RYR2: variants seen among roughly 807,000 people sequenced by gnomAD.
The protein encoded by RYR2 is cardiac muscle ryanodine receptor-calcium release channel.
Under a neutral mutation model 601.1 loss-of-function variants are expected in RYR2, and 227 were observed. The ratio of observed to expected loss-of-function variants is 0.38; its 90% CI spans 0.34 to 0.42. RYR2 has a LOEUF of 0.42. RYR2 is among the 10% of genes least tolerant of loss of function. The pLI is 1.00. For missense variants in RYR2, 4,646 were observed against 6,156.5 expected, an observed-to-expected ratio of 0.75 and a Z score of 8.21; for synonymous variants, 2,223 against 2,175.1, an observed-to-expected ratio of 1.02 and a Z score of -0.61.
At chr1:237,253,598 G>A (rs958675719) in intron 1 of RYR2, among the ~76,000 whole-genome samples, 2 of 152,186 alleles carry the variant, frequency 1.3e-5, no homozygotes, top group Non-Finnish European at 2.9e-5. Flanking sequence ...CACAGTACCT[G>A]TGTAAACTGA....
At chr1:237,635,081 G>C (rs974604787) in intron 44 of RYR2, 89 bp downstream of exon 44, 18 of 1,047,024 alleles carry the variant, frequency 1.7e-5, no homozygotes, top group Non-Finnish European at 2.4e-5. Flanking sequence ...GGTTGGTGCA[G>C]AAGTCATTGT....
chr1:237,565,101 TTTTCTTTCTTTCTTTTTCTTTC>T (rs755813557), intron 27 of RYR2, among the ~76,000 whole-genome samples: 12,203 of 113,912 alleles, frequency 0.11, 2,170 homozygotes, highest in South Asian at 0.15. Flanking sequence ...TTCTCTTTTC[TTTTCTTTCTTTCTTTTTCTTTC>T]TTTCTTTCTT....
In RYR2 at chr1:237,277,294, T is replaced by C. The variant is rs150929977; in HGVS notation, c.168+6678T>C. ...TGCACACACACGCTTCAGTTCAAAA[T>C]CAGCACTTTCTTTAAGGTAGTACAC... On this transcript the variant is annotated intron_variant, in intron 2 of 104. Transcript: ENST00000366574. Among the ~76,000 whole-genome samples, 61 of 152,298 alleles carry C rather than the reference T, an allele frequency of 4.0e-4. 1 individual carries two copies. The East Asian group carries it at 0.011, about 27-fold the overall frequency.
chr1:237,546,993 A>ATT lies in RYR2; in HGVS notation c.2907-1437_2907-1436insTT, dbSNP rs56191820. 2.1e-3 allele frequency among the ~76,000 whole-genome samples: 270 copies of ATT among 127,396 alleles called. 5 individuals are homozygous for ATT. The highest frequency in any genetic ancestry group is 3.7e-3 in the Admixed American group (43 of 11,764). The allele number at this position is 127,396 out of a possible 152,430, so 83.6% of individuals were successfully genotyped here. A position where few individuals can be genotyped will look rare whatever the true frequency, so the allele number is the denominator to read the frequency against. On this transcript the variant is annotated intron_variant, in intron 25 of 104. Coordinates refer to ENST00000366574, the MANE Select transcript of RYR2 (RefSeq NM_001035.3). ...TTCAAAAGCATATATATATATATAT[A>ATT]TATTTATTTATTTATTTATTTATTT...
chr1:237,487,556 C>CA (rs770034115), intron 17 of RYR2, among the ~76,000 whole-genome samples: 1,253 of 40,606 alleles, frequency 0.031, 28 homozygotes, highest in African/African-American at 0.048. Context: ...CCCGTCTCTA[C>CA]AAAAAAAAAA....
At chr1:237,515,322 G>A (rs550690155) in intron 24 of RYR2, among the ~76,000 whole-genome samples, 6 of 152,272 alleles carry the variant, frequency 3.9e-5, no homozygotes, top group East Asian at 3.9e-4. Context: ...ATTTTTAATC[G>A]ACATGTAATA....
At chr1:237,289,234 G>A (rs965177212) in intron 2 of RYR2, among the ~76,000 whole-genome samples, 7 of 152,118 alleles carry the variant, frequency 4.6e-5, no homozygotes, top group African/African-American at 1.7e-4. Flanking sequence ...GTTTGTTCTT[G>A]CAGCTGATCT....
chr1:237,804,364 G>T (rs1441719547), intron 98 of RYR2, among the ~76,000 whole-genome samples: 1 of 131,502 alleles, frequency 7.6e-6, no homozygotes, highest in East Asian at 3.0e-4. Flanking sequence ...TTGACCTCTA[G>T]CTTCAGTTCC....
At chr1:237,794,838 T>A (rs1046633574) in intron 95 of RYR2, among the ~76,000 whole-genome samples, 1 of 152,220 alleles carries the variant, frequency 6.6e-6, no homozygotes, top group Non-Finnish European at 1.5e-5. Context: ...ACTCTCTATG[T>A]ATTAGTGAAG....
intron 3 of RYR2, chr1:237,341,710 CT>C: frequency 2.0e-6 from 1 of 497,278 alleles, no homozygotes; most frequent in Non-Finnish European, 4.0e-6. Flanking sequence ...AATCAAGGGG[CT>C]GAAAAGTACC....
chr1:237,123,873 T>C (rs990277318), intron 1 of RYR2, among the ~76,000 whole-genome samples: 1 of 151,954 alleles, frequency 6.6e-6, no homozygotes, highest in African/African-American at 2.4e-5. Flanking sequence ...TTCACCTTGT[T>C]AGCCAGGATG....
rs537360262 is a variant in RYR2, at chr1:237,500,309, A to G, written c.2204-402A>G. On this transcript the variant is annotated intron_variant, in intron 20 of 104. Transcript: ENST00000366574. ...TGATGGTACTTGGTGTTCTGTTTAT[A>G]AGACATCCAAATTAAGAGAGGTTAA... 1.8e-3 allele frequency among the ~76,000 whole-genome samples: 275 copies of G among 152,288 alleles called. 2 individuals are homozygous for G. The highest frequency in any genetic ancestry group is 6.3e-3 in the African/African-American group (262 of 41,574).
At chr1:237,155,508 T>G (rs1351394347) in intron 1 of RYR2, among the ~76,000 whole-genome samples, 1 of 152,118 alleles carries the variant, frequency 6.6e-6, no homozygotes, top group Non-Finnish European at 1.5e-5. Flanking sequence ...AGATTCCATT[T>G]TGGAATTTTA....
intron 2 of RYR2, among the ~76,000 whole-genome samples, chr1:237,321,005 T>G (rs1470765692): frequency 6.6e-6 from 1 of 150,848 alleles, no homozygotes; most frequent in Non-Finnish European, 1.5e-5. Flanking sequence ...TTACCACAAA[T>G]GGACAGGGCA....
At chr1:237,198,519 T>C (rs1158993339) in intron 1 of RYR2, among the ~76,000 whole-genome samples, 1 of 151,802 alleles carries the variant, frequency 6.6e-6, no homozygotes, top group Non-Finnish European at 1.5e-5. Context: ...CTCTTTAGCA[T>C]TTAGGAGAAA....
intron 2 of RYR2, among the ~76,000 whole-genome samples, chr1:237,293,581 G>T (rs1692458523): frequency 6.6e-6 from 1 of 152,064 alleles, no homozygotes; most frequent in Non-Finnish European, 1.5e-5. Context: ...TAAATCAGGG[G>T]TTCCCATGAT....
chr1:237,662,195 C>T (rs75992773), intron 56 of RYR2, among the ~76,000 whole-genome samples: 8,704 of 151,994 alleles, frequency 0.057, 311 homozygotes, highest in African/African-American at 0.083. Flanking sequence ...ACTTTACATT[C>T]AATTGTCTTT....
At chr1:237,196,149 A>T (rs939772218) in intron 1 of RYR2, among the ~76,000 whole-genome samples, 1 of 152,176 alleles carries the variant, frequency 6.6e-6, no homozygotes, top group Non-Finnish European at 1.5e-5. Flanking sequence ...GTGGTCTAGG[A>T]AGTGTCCTTT....
intron 80 of RYR2, among the ~76,000 whole-genome samples, chr1:237,750,166 A>G (rs936028203): frequency 6.6e-6 from 1 of 152,194 alleles, no homozygotes; most frequent in Non-Finnish European, 1.5e-5. Flanking sequence ...AAAAGAAAAA[A>G]GAAAAGAAAA....
Sources: gnomAD v4.1 joint callset for allele counts (sites outside exome capture counted in the v4.1 genomes callset) on GRCh38, gnomAD v4.1.1 for gene constraint, MANE v1.5 for transcripts, NCBI Gene and HGNC (gene_info 2026-07-23, HGNC 2026-07-21) for gene names.